KDM4C: variants seen among roughly 807,000 people sequenced by gnomAD.
KDM4C encodes the protein lysine demethylase 4C.
KDM4C carries 81 observed loss-of-function variants against 129.3 expected under a neutral mutation model. The observed-to-expected ratio is 0.63, with a 90% confidence interval of 0.52 to 0.75. KDM4C has a LOEUF of 0.75. Among genes scored for constraint, KDM4C ranks in the 30% least tolerant of loss-of-function variants. KDM4C has a pLI of 0.00. For synonymous variants in KDM4C, 573 were observed against 456.1 expected, an observed-to-expected ratio of 1.26 and a Z score of -3.26; for missense variants, 1,457 against 1,304.0, an observed-to-expected ratio of 1.12 and a Z score of -1.81.
intron 5 of KDM4C, 113 bp downstream of exon 5, chr9:6,849,813 G>C (rs779830255): frequency 1.2e-6 from 1 of 855,688 alleles, no homozygotes; most frequent in South Asian, 1.8e-5. Flanking sequence ...TATGTGAGCT[G>C]TAAGGAAGTT....
intron 8 of KDM4C, among the ~76,000 whole-genome samples, chr9:6,975,794 C>T (rs933370982): frequency 1.3e-4 from 20 of 152,256 alleles, no homozygotes; most frequent in Admixed American, 7.2e-4. Flanking sequence ...GTAATCCCAC[C>T]GCTTTGGGCG....
intron 17 of KDM4C, among the ~76,000 whole-genome samples, chr9:7,052,857 C>T (rs1325467768): frequency 9.1e-5 from 1 of 10,940 alleles, no homozygotes; most frequent in Non-Finnish European, 2.2e-4. Context: ...GCTCTGGCCA[C>T]ACCTGCAGAG....
intron 3 of KDM4C, 101 bp downstream of exon 3, chr9:6,805,875 T>G: frequency 9.3e-7 from 1 of 1,075,610 alleles, no homozygotes; most frequent in Non-Finnish European, 1.3e-6. Flanking sequence ...AAAGCAGGAG[T>G]CTCCCATGCA....
At chr9:6,795,920 C>G (rs956771940) in intron 2 of KDM4C, among the ~76,000 whole-genome samples, 1 of 152,112 alleles carries the variant, frequency 6.6e-6, no homozygotes, top group Non-Finnish European at 1.5e-5. Context: ...GGTCTGCCCG[C>G]TTTGGCCTCC....
At chr9:7,113,610 C>T (rs1421238847) in intron 18 of KDM4C, among the ~76,000 whole-genome samples, 2 of 152,140 alleles carry the variant, frequency 1.3e-5, no homozygotes, top group African/African-American at 4.8e-5. Context: ...CTCCCATGCT[C>T]ACAACAGCCT....
chr9:6,812,653 A>G (rs114821363), intron 3 of KDM4C, among the ~76,000 whole-genome samples: 5,035 of 152,250 alleles, frequency 0.033, 263 homozygotes, highest in African/African-American at 0.12. Flanking sequence ...CTCACCTGCC[A>G]CTGACCTCCT....
chr9:6,732,741 G>A (rs1229388227), intron 1 of KDM4C, among the ~76,000 whole-genome samples: 2 of 149,838 alleles, frequency 1.3e-5, no homozygotes, highest in Non-Finnish European at 3.0e-5. Context: ...GGCTGGGTGT[G>A]ATGGCTCACG....
At chr9:7,088,149 C>T (rs1419357402) in intron 17 of KDM4C, among the ~76,000 whole-genome samples, 3 of 152,158 alleles carry the variant, frequency 2.0e-5, no homozygotes, top group Admixed American at 6.5e-5. Context: ...GTGTTTGGCT[C>T]CCCCGTATCC....
chr9:7,056,949 GT>G (rs1363789599), intron 17 of KDM4C, among the ~76,000 whole-genome samples: 1 of 152,160 alleles, frequency 6.6e-6, no homozygotes, highest in Non-Finnish European at 1.5e-5. Flanking sequence ...CGAGGCAGCT[GT>G]TAGACAGCTC....
chr9:7,049,025 C>T (rs1392761725), intron 16 of KDM4C, 67 bp from the exon 17 acceptor site: 3 of 983,378 alleles, frequency 3.1e-6, no homozygotes, highest in East Asian at 2.4e-5. Flanking sequence ...TGAGAACTGG[C>T]ATCACCAAGT....
At chr9:6,788,884 A>G (rs889168512) in intron 1 of KDM4C, among the ~76,000 whole-genome samples, 4 of 152,208 alleles carry the variant, frequency 2.6e-5, no homozygotes, top group African/African-American at 7.2e-5. Flanking sequence ...GGAAGCAGGC[A>G]GAGGCTGCTG....
At position 6,865,250 on chromosome 9, in the gene KDM4C, C is replaced by T. The variant is rs185471123; in HGVS notation, c.630-14762C>T. On this transcript the variant is annotated intron_variant, in intron 5 of 21. Coordinates refer to ENST00000381309, the MANE Select transcript of KDM4C (RefSeq NM_015061.6). ...GTCTCGATCTCCTGACCTCGTGATC[C>T]GACCGCCTTGGCCTCCCAAAGTTTT... Among the ~76,000 whole-genome samples, 745 of 152,174 alleles carry T rather than the reference C, an allele frequency of 4.9e-3. 10 individuals carry two copies. The highest frequency in any genetic ancestry group is 0.01 in the Middle Eastern group (3 of 294).
At chr9:6,977,552 G>A (rs1222977591) in intron 8 of KDM4C, among the ~76,000 whole-genome samples, 1 of 152,124 alleles carries the variant, frequency 6.6e-6, no homozygotes, top group Non-Finnish European at 1.5e-5. Flanking sequence ...GAATGAAGAA[G>A]TCACATAAGT....
At chr9:6,912,647 G>A (rs954824535) in intron 8 of KDM4C, among the ~76,000 whole-genome samples, 2 of 152,118 alleles carry the variant, frequency 1.3e-5, no homozygotes, top group African/African-American at 4.8e-5. Flanking sequence ...TTATATATTT[G>A]CAGCTTTAAC....
chr9:7,129,123 G>T (rs1394469474), intron 19 of KDM4C, among the ~76,000 whole-genome samples: 1 of 152,052 alleles, frequency 6.6e-6, no homozygotes, highest in Non-Finnish European at 1.5e-5. Flanking sequence ...GCCTCATTCT[G>T]GGTCTCTGTT....
intron 19 of KDM4C, among the ~76,000 whole-genome samples, chr9:7,156,608 G>C (rs1378172218): frequency 6.6e-6 from 1 of 152,116 alleles, no homozygotes; most frequent in African/African-American, 2.4e-5. Flanking sequence ...ATTAAATAGG[G>C]AATCCTTTCC....
chr9:6,737,716 C>T (rs1164732807), intron 1 of KDM4C, among the ~76,000 whole-genome samples: 1 of 144,804 alleles, frequency 6.9e-6, no homozygotes, highest in Non-Finnish European at 1.5e-5. Context: ...AGATAATTTT[C>T]AAAAGAAGAC....
chr9:6,805,148 C>T (rs977940768), intron 2 of KDM4C, among the ~76,000 whole-genome samples: 2 of 152,194 alleles, frequency 1.3e-5, no homozygotes, highest in African/African-American at 4.8e-5. Flanking sequence ...ATCCGCCTGC[C>T]TCGGCCTCCC....
intron 4 of KDM4C, among the ~76,000 whole-genome samples, chr9:6,816,570 C>G (rs1832133107): frequency 6.6e-6 from 1 of 152,104 alleles, no homozygotes; most frequent in South Asian, 2.1e-4. Flanking sequence ...TACCTTATAC[C>G]TTCTTATATA....
Sources: allele counts gnomAD v4.1 joint callset (sites outside exome capture counted in the v4.1 genomes callset), GRCh38; gene constraint gnomAD v4.1.1; transcripts MANE v1.5; gene names NCBI Gene and HGNC (gene_info 2026-07-23, HGNC 2026-07-21).